The following PDZRN3 variants were observed in gnomAD, a reference collection of about 807,000 sequenced individuals.
PDZRN3 encodes E3 ubiquitin-protein ligase PDZRN3.
PDZRN3 carries 38 observed loss-of-function variants against 85.7 expected under a neutral mutation model. That is an observed-to-expected ratio of 0.44 (90% CI 0.34 to 0.58). The LOEUF (loss-of-function observed/expected upper bound fraction) is 0.58. Ranked by LOEUF, PDZRN3 falls within the 20% of genes least tolerant of loss-of-function variation. The probability of loss-of-function intolerance (pLI) is 0.01; values close to 1 mark genes in which losing one functional copy is unlikely to be tolerated. For missense variants in PDZRN3, 1,629 were observed against 1,506.4 expected, an observed-to-expected ratio of 1.08 and a Z score of -1.35; for synonymous variants, 759 against 638.0, an observed-to-expected ratio of 1.19 and a Z score of -2.86.
chr3:73,412,507 G>C (rs1174728821), intron 3 of PDZRN3, among the ~76,000 whole-genome samples: 1 of 152,158 alleles, frequency 6.6e-6, no homozygotes, highest in Non-Finnish European at 1.5e-5. Context: ...TAAAATTAGA[G>C]GAGCCTTAAG....
intron 3 of PDZRN3, among the ~76,000 whole-genome samples, chr3:73,552,153 C>T (rs1441335631): frequency 6.6e-6 from 1 of 152,122 alleles, no homozygotes; most frequent in Non-Finnish European, 1.5e-5. Context: ...TCTATCCTCC[C>T]AGTTACTCAT....
At chr3:73,447,707 G>T (rs1559684614) in intron 3 of PDZRN3, among the ~76,000 whole-genome samples, 1 of 152,310 alleles carries the variant, frequency 6.6e-6, no homozygotes, top group East Asian at 1.9e-4. Flanking sequence ...AGATAATTCA[G>T]TTGCAGTCCA....
intron 3 of PDZRN3, chr3:73,474,392 C>T (rs1224829267): frequency 1.0e-6 from 1 of 964,620 alleles, no homozygotes; most frequent in East Asian, 6.1e-5. Context: ...GTATAATGAG[C>T]AAATACAATC....
At chr3:73,443,078 C>G (rs1305855309) in intron 3 of PDZRN3, among the ~76,000 whole-genome samples, 1 of 152,186 alleles carries the variant, frequency 6.6e-6, no homozygotes, top group East Asian at 1.9e-4. Context: ...CGCGCCCCAC[C>G]ACCGGCCCAG....
chr3:73,472,163 T>C (rs1433156323), intron 3 of PDZRN3, among the ~76,000 whole-genome samples: 1 of 152,200 alleles, frequency 6.6e-6, no homozygotes, highest in Admixed American at 6.5e-5. Context: ...GCGAGGCCAG[T>C]GCTGTTATCT....
At chr3:73,442,559 G>C (rs939148229) in intron 3 of PDZRN3, among the ~76,000 whole-genome samples, 2 of 152,292 alleles carry the variant, frequency 1.3e-5, no homozygotes, top group South Asian at 2.1e-4. Context: ...ACAAATCCTC[G>C]AGGGAGATGT....
chr3:73,395,965 G>A (rs901527510), intron 5 of PDZRN3, among the ~76,000 whole-genome samples: 4 of 152,318 alleles, frequency 2.6e-5, no homozygotes, highest in African/African-American at 9.6e-5. Context: ...GCTCATACCT[G>A]TAATCCCAGC....
chr3:73,523,093 G>A (rs1477886216), intron 3 of PDZRN3, among the ~76,000 whole-genome samples: 1 of 152,150 alleles, frequency 6.6e-6, no homozygotes, highest in Non-Finnish European at 1.5e-5. Flanking sequence ...CACAGTCTTG[G>A]CTCACTGCAA....
At chr3:73,443,516 T>C (rs1461414202) in intron 3 of PDZRN3, among the ~76,000 whole-genome samples, 53 of 143,516 alleles carry the variant, frequency 3.7e-4, no homozygotes, top group Non-Finnish European at 6.1e-4. Context: ...GGACAGCGCT[T>C]GCTTTGTCGC....
chr3:73,581,116 C>G (rs1702196076), intron 3 of PDZRN3, among the ~76,000 whole-genome samples: 1 of 152,170 alleles, frequency 6.6e-6, no homozygotes. Context: ...AAGAACAGAC[C>G]TATGCAAAAG....
At chr3:73,505,181 T>C (rs1235008780) in intron 3 of PDZRN3, among the ~76,000 whole-genome samples, 6 of 152,226 alleles carry the variant, frequency 3.9e-5, no homozygotes, top group Non-Finnish European at 7.3e-5. Flanking sequence ...AACTAAACTA[T>C]ACTTTTATAC....
At chr3:73,392,082 G>A (rs1012167361) in intron 5 of PDZRN3, among the ~76,000 whole-genome samples, 4 of 152,198 alleles carry the variant, frequency 2.6e-5, no homozygotes, top group African/African-American at 7.2e-5. Flanking sequence ...CTGTCTATGC[G>A]GAGAAGCTCA....
chr3:73,484,823 T>C (rs1248164221), intron 3 of PDZRN3, among the ~76,000 whole-genome samples: 1 of 152,116 alleles, frequency 6.6e-6, no homozygotes, highest in African/African-American at 2.4e-5. Flanking sequence ...CTTAGCAAGA[T>C]TCCCAGCAGA....
chr3:73,493,718 G>A (rs1192749303), intron 3 of PDZRN3, among the ~76,000 whole-genome samples: 8 of 152,186 alleles, frequency 5.3e-5, no homozygotes, highest in Admixed American at 1.3e-4. Context: ...TGATGAAGAG[G>A]TGCCTCAGGC....
chr3:73,408,121 C>A, intron 3 of PDZRN3: 1 of 703,150 alleles, frequency 1.4e-6, no homozygotes, highest in Non-Finnish European at 2.6e-6. Flanking sequence ...ATAAGCCCCT[C>A]CACAAGCCAG....
At chr3:73,549,670 T>C (rs960380806) in intron 3 of PDZRN3, among the ~76,000 whole-genome samples, 6 of 152,208 alleles carry the variant, frequency 3.9e-5, no homozygotes, top group African/African-American at 1.2e-4. Context: ...AAGAGAAATG[T>C]AGGGCGTGAA....
At chr3:73,574,980 T>C (rs1702102101) in intron 3 of PDZRN3, among the ~76,000 whole-genome samples, 1 of 152,166 alleles carries the variant, frequency 6.6e-6, no homozygotes, top group East Asian at 1.9e-4. Flanking sequence ...TGTCATTCCT[T>C]TGAAGTGTTG....
At chr3:73,549,162 C>T (rs895128679) in intron 3 of PDZRN3, among the ~76,000 whole-genome samples, 1 of 152,140 alleles carries the variant, frequency 6.6e-6, no homozygotes, top group African/African-American at 2.4e-5. Flanking sequence ...TATAGCTAAG[C>T]GATGCCATTA....
chr3:73,467,471 G>T (rs573452739), intron 3 of PDZRN3, among the ~76,000 whole-genome samples: 1 of 152,194 alleles, frequency 6.6e-6, no homozygotes, highest in South Asian at 2.1e-4. Context: ...TCTACACAGC[G>T]ATTCCCAGTA....
Sources: allele counts gnomAD v4.1 joint callset (sites outside exome capture counted in the v4.1 genomes callset), GRCh38; gene constraint gnomAD v4.1.1; transcripts MANE v1.5; gene names NCBI Gene and HGNC (gene_info 2026-07-23, HGNC 2026-07-21).